Variants in LHX9 observed in about 807,000 individuals in gnomAD.
The protein encoded by LHX9 is LIM/homeobox protein Lhx9.
A neutral mutation model predicts 36.5 loss-of-function variants in LHX9; 9 were observed. The observed-to-expected ratio is 0.25, with a 90% CI of 0.15 to 0.43. The LOEUF (loss-of-function observed/expected upper bound fraction) is 0.43. Among genes scored for constraint, LHX9 ranks in the 20% least tolerant of loss-of-function variants. The pLI is 1.00. For synonymous variants in LHX9, 211 were observed against 212.1 expected, an observed-to-expected ratio of 0.99 and a Z score of 0.04; for missense variants, 464 against 526.4, an observed-to-expected ratio of 0.88 and a Z score of 1.16.
chr1:197,926,849 C>T (rs1660157150), intron 3 of LHX9, among the ~76,000 whole-genome samples: 2 of 152,142 alleles, frequency 1.3e-5, no homozygotes, highest in South Asian at 4.2e-4. Context: ...AAAATCACTC[C>T]AGGGGAAAAA....
upstream of LHX9, chr1:197,917,115 TGC>T (rs1491353574): frequency 0.025 from 4,389 of 172,190 alleles, 213 homozygotes; most frequent in African/African-American, 0.13. Flanking sequence ...TGTGTGTGTG[TGC>T]GCGCGCGCGC....
Position 197,917,706 on chromosome 1 carries a change from C to A in LHX9, c.-118C>A, listed in dbSNP as rs939081871. 1.1e-5 allele frequency: 17 copies of A among 1,584,236 alleles called. 1 individual carries two copies. Among genetic ancestry groups the A allele is most frequent in the South Asian group, 1.2e-5 (1 of 85,762 alleles). On this transcript the variant is annotated 5_prime_UTR_variant, in exon 1 of 5. Coordinates refer to ENST00000367387, the MANE Select transcript of LHX9 (RefSeq NM_020204.3). ...GATTTCCACTCCATCTGTTTCTTCT[C>A]CTCCTTTCTCTCCCTCTTTCCCTCC...
chr1:197,918,462 C>A (rs1262034286), intron 1 of LHX9: 1 of 700,024 alleles, frequency 1.4e-6, no homozygotes, highest in African/African-American at 1.8e-5. Flanking sequence ...GGAGTAGATT[C>A]CGACGCGACT....
At chr1:197,927,958 C>T (rs570208042) in intron 4 of LHX9, among the ~76,000 whole-genome samples, 165 bp downstream of exon 4, 106 of 152,282 alleles carry the variant, frequency 7.0e-4, no homozygotes, top group African/African-American at 2.5e-3. Context: ...CAGGGGCTTC[C>T]TGGAGGGTTC....
Position 197,930,052 on chromosome 1 carries a change from C to G in LHX9, c.*793C>G. ...CCTCCTAAAGCTAAAAACAATAGCT[C>G]GGAAACCATTCTTTCTAGTTACTTT... On this transcript the variant is annotated 3_prime_UTR_variant, in exon 5 of 5. Coordinates refer to ENST00000367387, the MANE Select transcript of LHX9 (RefSeq NM_020204.3). 1 of 979,150 alleles carries G rather than the reference C, an allele frequency of 1.0e-6. No individual in the cohort carries two copies. Among genetic ancestry groups the G allele is most frequent in the Non-Finnish European group, 1.2e-6 (1 of 824,190 alleles). The allele number at this position is 979,150 out of a possible 1,614,324, so 60.7% of individuals were successfully genotyped here.
In LHX9 at chr1:197,935,448, T is replaced by C. The variant is rs1410213032; in HGVS notation, c.*6189T>C. The stretch of plus-strand genomic sequence containing the variant: ...AGAGTAATTGGATACCTTTTATGGT[T>C]ATTTGAAAATAAAATTTGCTACAAA... On this transcript the variant is annotated 3_prime_UTR_variant, in exon 5 of 5. Coordinates refer to ENST00000367387, the MANE Select transcript of LHX9 (RefSeq NM_020204.3). The C allele has an allele frequency of 6.6e-6, 1 of 152,222 alleles. No individual in the cohort carries two copies. 9.4% of individuals were successfully genotyped at this position (152,222 alleles called of 1,614,324 possible). A position where few individuals can be genotyped will look rare whatever the true frequency, so the allele number is the denominator to read the frequency against.
In LHX9 at chr1:197,929,609, A is replaced by G; in HGVS notation, c.*350A>G. ...CGAAGAAAAAAGAAAAAAGAGTGGTATTATTATGGGCAAATAATCATATTC... is the reference window on the plus strand; with the variant it reads ...CGAAGAAAAAAGAAAAAAGAGTGGTGTTATTATGGGCAAATAATCATATTC... On this transcript the variant is annotated 3_prime_UTR_variant, in exon 5 of 5. Transcript: ENST00000367387. 3.3e-6 allele frequency: 3 copies of G among 921,942 alleles called. No homozygotes were observed. The highest frequency in any genetic ancestry group is 1.8e-5 in the African/African-American group (1 of 56,046). 57.1% of individuals were successfully genotyped at this position (921,942 alleles called of 1,614,324 possible).
At position 197,929,157 on chromosome 1, in the gene LHX9, C is replaced by A; in HGVS notation, c.1092C>A (p.Asp364Glu). The A allele has an allele frequency of 6.2e-7, 1 of 1,613,108 alleles. No individual in the cohort carries two copies. The highest frequency in any genetic ancestry group is 8.5e-7 in the Non-Finnish European group (1 of 1,179,720). ...CCGGCACTGCGACCACTTTAACAGA[C>A]CTGACCAATCCCACTATCACTGTAG... is the stretch of plus-strand genomic sequence containing the variant. ...TPPGTATTLTDLTNPTITVVT... is the reference protein window; with the variant it reads ...TPPGTATTLTELTNPTITVVT... The change falls in exon 5 of 5, where the codon GAC becomes GAA. Residue 364 changes from aspartate to glutamate, a missense_variant. By Grantham distance (45) the Asp-to-Glu change is conservative (BLOSUM62 2). Around this residue, in one of 5 missense-constraint regions of LHX9, gnomAD observed 102 missense variants for 97.0 expected, o/e 1.05. Coordinates refer to ENST00000367387, the MANE Select transcript of LHX9 (RefSeq NM_020204.3).
In LHX9 at chr1:197,931,708, G is replaced by A. The variant is rs1316548061; in HGVS notation, c.*2449G>A. 2.2e-6 allele frequency: 1 copy of A among 444,828 alleles called. No individual in the cohort carries two copies. The highest frequency in any genetic ancestry group is 3.2e-5 in the East Asian group (1 of 31,306). 27.6% of individuals were successfully genotyped at this position (444,828 alleles called of 1,614,324 possible). The stretch of plus-strand genomic sequence containing the variant: ...TATATTTGCTTATAACAAAAGTAAT[G>A]CCCCACTGATTTGACTCAGTCCAAT... On this transcript the variant is annotated 3_prime_UTR_variant, in exon 5 of 5. Coordinates refer to ENST00000367387, the MANE Select transcript of LHX9 (RefSeq NM_020204.3).
chr1:197,931,033 T>C lies in LHX9; in HGVS notation c.*1774T>C, dbSNP rs1660314213. ...TGACAGAACAATATATGGTACTATA[T>C]AGATCTACTTTATTAAGTAGACTAA... On this transcript the variant is annotated 3_prime_UTR_variant, in exon 5 of 5. Transcript: ENST00000367387. 1 of 152,062 alleles carries C rather than the reference T, an allele frequency of 6.6e-6. No individual in the cohort carries two copies. Among genetic ancestry groups the C allele is most frequent in the African/African-American group, 2.4e-5 (1 of 41,462 alleles). The allele number at this position is 152,062 out of a possible 1,614,324, so 9.4% of individuals were successfully genotyped here.
rs568935713 is a variant in LHX9, at chr1:197,932,257, A to C, written c.*2998A>C. On this transcript the variant is annotated 3_prime_UTR_variant, in exon 5 of 5. Coordinates refer to ENST00000367387, the MANE Select transcript of LHX9 (RefSeq NM_020204.3). Reference sequence around the variant, plus strand: ...ATATGCCCACCCCATATTTGAAAAAAATTATTATTGAAAAAAATTTCACAC... The same window carrying C: ...ATATGCCCACCCCATATTTGAAAAACATTATTATTGAAAAAAATTTCACAC... The C allele has an allele frequency of 1.7e-5, 5 of 295,072 alleles. No individual in the cohort carries two copies. The highest frequency in any genetic ancestry group is 1.1e-4 in the African/African-American group (5 of 46,474). 18.3% of individuals were successfully genotyped at this position (295,072 alleles called of 1,614,324 possible). A position where few individuals can be genotyped will look rare whatever the true frequency, so the allele number is the denominator to read the frequency against.
intron 1 of LHX9, 23 bp downstream of exon 1, chr1:197,918,020 C>A (rs1318589940): frequency 1.9e-6 from 3 of 1,602,474 alleles, no homozygotes; most frequent in African/African-American, 2.7e-5. Flanking sequence ...TCCGCCGCGG[C>A]GGTAGCCGGG....
chr1:197,918,364 G>A, intron 1 of LHX9: 1 of 717,426 alleles, frequency 1.4e-6, no homozygotes, highest in East Asian at 2.7e-5. Context: ...CTGGGCATAA[G>A]CAATAGGAGG....
Position 197,917,799 on chromosome 1 carries a change from A to G in LHX9, c.-25A>G. 6.2e-7 allele frequency: 1 copy of G among 1,614,022 alleles called. No homozygotes were observed. The highest frequency in any genetic ancestry group is 1.1e-5 in the South Asian group (1 of 91,066). On this transcript the variant is annotated 5_prime_UTR_variant, in exon 1 of 5. Transcript: ENST00000367387. ...GTCCCTTGCCTCCTTCACTCGGATG[A>G]GCTGAAAGCCCCGGGCGTGTGTATA...
At chr1:197,914,686 C>T (rs897102218), upstream of LHX9, among the ~76,000 whole-genome samples, 6 of 152,056 alleles carry the variant, frequency 3.9e-5, no homozygotes, top group African/African-American at 1.4e-4. Flanking sequence ...GACGTATTTC[C>T]GCAGAGCTAA....
intron 3 of LHX9, 115 bp from the exon 4 acceptor site, chr1:197,927,476 G>A: frequency 2.3e-6 from 2 of 864,752 alleles, no homozygotes; most frequent in Non-Finnish European, 3.9e-6. Flanking sequence ...TAATTGGGTT[G>A]ACAACCTTTT....
Position 197,917,769 on chromosome 1 carries a change from C to T in LHX9, c.-55C>T, listed in dbSNP as rs1659817854. 3.7e-6 allele frequency: 6 copies of T among 1,613,604 alleles called. No individual in the cohort carries two copies. In the South Asian group the frequency reaches 5.5e-5, roughly 15 times the overall value. ...CTCTGCGCTCCTACAGGGCAGCCCT[C>T]TCTGGTCCCTTGCCTCCTTCACTCG... On this transcript the variant is annotated 5_prime_UTR_variant, in exon 1 of 5. Transcript: ENST00000367387.
chr1:197,914,000 A>G (rs568675048), upstream of LHX9, among the ~76,000 whole-genome samples: 2 of 152,132 alleles, frequency 1.3e-5, no homozygotes, highest in Non-Finnish European at 2.9e-5. Flanking sequence ...ATGTAGACCC[A>G]CCTGAGCCGG....
At position 197,931,983 on chromosome 1, in the gene LHX9, A is replaced by G. The variant is rs1397320294; in HGVS notation, c.*2724A>G. ...CGTTTGAAAATTCCCTAAAGTATTA[A>G]AAGAAGGGGAAAAGTTTGATCGGAA... On this transcript the variant is annotated 3_prime_UTR_variant, in exon 5 of 5. Transcript: ENST00000367387. 1 of 1,541,746 alleles carries G rather than the reference A, an allele frequency of 6.5e-7. No homozygotes were observed. Among genetic ancestry groups the G allele is most frequent in the Non-Finnish European group, 8.8e-7 (1 of 1,139,922 alleles).
Sources: allele counts gnomAD v4.1 joint callset (sites outside exome capture counted in the v4.1 genomes callset), GRCh38; gene constraint gnomAD v4.1.1; regional missense constraint gnomAD v4.1.1; transcripts MANE v1.5; gene names NCBI Gene and HGNC (gene_info 2026-07-23, HGNC 2026-07-21).